TGFBR2: variants seen among roughly 807,000 people sequenced by gnomAD.
TGFBR2 encodes transforming growth factor beta receptor 2.
In TGFBR2, 18 loss-of-function variants were observed where a neutral mutation model predicts 49.0. The ratio of observed to expected loss-of-function variants is 0.37; its 90% CI spans 0.25 to 0.54. The LOEUF is 0.54. Among genes scored for constraint, TGFBR2 ranks in the 20% least tolerant of loss-of-function variants. The probability of loss-of-function intolerance (pLI) is 0.85; values close to 1 mark genes in which losing one functional copy is unlikely to be tolerated. For synonymous variants in TGFBR2, 282 were observed against 275.9 expected, an observed-to-expected ratio of 1.02 and a Z score of -0.22; for missense variants, 525 against 722.6, an observed-to-expected ratio of 0.73 and a Z score of 3.13.
chr3:30,675,808 A>C (rs1368787331), intron 5 of TGFBR2, among the ~76,000 whole-genome samples: 1 of 152,240 alleles, frequency 6.6e-6, no homozygotes, highest in African/African-American at 2.4e-5. Context: ...AACCTAAACC[A>C]TAGTATGGCT....
At chr3:30,665,054 G>A (rs1699219725) in intron 3 of TGFBR2, among the ~76,000 whole-genome samples, 1 of 152,220 alleles carries the variant, frequency 6.6e-6, no homozygotes, top group South Asian at 2.1e-4. Flanking sequence ...TGGTGTATTA[G>A]TGCACTAATG....
At chr3:30,686,654 T>C (rs1017352870) in intron 5 of TGFBR2, among the ~76,000 whole-genome samples, 6 of 152,208 alleles carry the variant, frequency 3.9e-5, no homozygotes, top group African/African-American at 1.2e-4. Flanking sequence ...GCAAATGTAT[T>C]GAAAGTTTTA....
intron 2 of TGFBR2, among the ~76,000 whole-genome samples, 200 bp from the exon 3 acceptor site, chr3:30,650,070 A>C: frequency 6.6e-6 from 1 of 151,758 alleles, no homozygotes; most frequent in South Asian, 2.1e-4. Context: ...CAAAGGAAAA[A>C]CAGAAAAGAG....
rs1224678519 is a variant in TGFBR2, at chr3:30,606,970, G to A, written c.87G>A (p.Gln29=). Residue 29 remains glutamine, a synonymous_variant, in exon 1 of 7, where the codon CAG becomes CAA. Transcript: ENST00000295754. ...RIASTIPPHV[Q]KSVNNDMIVT... is the part of the protein sequence containing the mutation. ...CCAGCACGATCCCACCGCACGTTCA[G>A]AAGTCGGGTGAGTGGTCCCCAGCCC... 1 of 1,596,628 alleles carries A rather than the reference G, an allele frequency of 6.3e-7. No individual in the cohort carries two copies. Among genetic ancestry groups the A allele is most frequent in the Non-Finnish European group, 8.5e-7 (1 of 1,171,870 alleles).
At position 30,628,675 on chromosome 3, in the gene TGFBR2, A is replaced by AT. The variant is rs1328670880; in HGVS notation, c.95-16071dup. ...AATGGGGCTTAATAAGAATTACTTGATACCTTAGGAGTCAGACGAGCCTTA... is the reference window on the plus strand; with the variant it reads ...AATGGGGCTTAATAAGAATTACTTGATTACCTTAGGAGTCAGACGAGCCTTA... On this transcript the variant is annotated intron_variant, in intron 1 of 6. Transcript: ENST00000295754. 2.6e-5 allele frequency among the ~76,000 whole-genome samples: 4 copies of AT among 151,828 alleles called. No individual in the cohort carries two copies. The East Asian group carries it at 7.8e-4, about 29-fold the overall frequency.
intron 1 of TGFBR2, among the ~76,000 whole-genome samples, chr3:30,616,992 CTG>C (rs1181102560): frequency 6.6e-6 from 1 of 151,460 alleles, no homozygotes; most frequent in Non-Finnish European, 1.5e-5. Context: ...GTTAAAATGT[CTG>C]TGAAAATTTT....
intron 1 of TGFBR2, among the ~76,000 whole-genome samples, chr3:30,633,380 G>T (rs1698471928): frequency 6.6e-6 from 1 of 152,188 alleles, no homozygotes; most frequent in African/African-American, 2.4e-5. Flanking sequence ...TTCTAAAGTA[G>T]ATGTCCTCTG....
chr3:30,650,143 T>A (rs762338936), intron 2 of TGFBR2, 127 bp from the exon 3 acceptor site: 1 of 931,792 alleles, frequency 1.1e-6, no homozygotes, highest in Admixed American at 1.8e-5. Flanking sequence ...CCAGCTGCCG[T>A]TGTTAGGAAC....
intron 1 of TGFBR2, among the ~76,000 whole-genome samples, chr3:30,614,189 G>A (rs1213597228): frequency 6.7e-6 from 1 of 149,078 alleles, no homozygotes; most frequent in Non-Finnish European, 1.5e-5. Flanking sequence ...ACCACCAGGC[G>A]GGCAAGGTGA....
At chr3:30,652,790 A>C (rs1698919015) in intron 3 of TGFBR2, among the ~76,000 whole-genome samples, 1 of 152,188 alleles carries the variant, frequency 6.6e-6, no homozygotes, top group Admixed American at 6.5e-5. Flanking sequence ...TTCCTCCAAA[A>C]GGACAAAAGT....
Position 30,691,356 on chromosome 3 carries a change from G to A in TGFBR2, c.1525-64G>A, listed in dbSNP as rs1400264081. 16 of 1,581,308 alleles carry A rather than the reference G, an allele frequency of 1.0e-5. No homozygotes were observed. In the East Asian group the frequency reaches 3.6e-4, roughly 36 times the overall value. On this transcript the variant is annotated intron_variant, in intron 6 of 6. Transcript: ENST00000295754. ...CTCACTATAGCAACAAGGTCAGCAG[G>A]CCACCTTGCCTTCCGCGGAGCCCAC...
intron 5 of TGFBR2, among the ~76,000 whole-genome samples, chr3:30,685,560 C>T (rs980572292): frequency 2.0e-5 from 3 of 152,200 alleles, no homozygotes; most frequent in African/African-American, 7.2e-5. Flanking sequence ...AGAGGTCTAA[C>T]CTCAGCTTGA....
intron 5 of TGFBR2, among the ~76,000 whole-genome samples, chr3:30,680,342 G>A (rs1699518602): frequency 6.6e-6 from 1 of 152,190 alleles, no homozygotes; most frequent in Non-Finnish European, 1.5e-5. Flanking sequence ...GCAGGTCACA[G>A]TATTGATACC....
At chr3:30,622,248 A>C (rs527477927) in intron 1 of TGFBR2, among the ~76,000 whole-genome samples, 47 of 152,198 alleles carry the variant, frequency 3.1e-4, no homozygotes, top group Non-Finnish European at 3.8e-4. Context: ...GTTGCTTTAG[A>C]TGACCAGGGA....
intron 1 of TGFBR2, among the ~76,000 whole-genome samples, chr3:30,632,272 G>A (rs767822330): frequency 1.3e-5 from 2 of 152,154 alleles, no homozygotes; most frequent in Non-Finnish European, 2.9e-5. Context: ...AACACACTAA[G>A]TGTCTCAAAG....
At chr3:30,682,972 G>A (rs1699563269) in intron 5 of TGFBR2, among the ~76,000 whole-genome samples, 1 of 152,190 alleles carries the variant, frequency 6.6e-6, no homozygotes, top group South Asian at 2.1e-4. Flanking sequence ...ATGCTTGGCA[G>A]AGATGAGCAA....
intron 1 of TGFBR2, among the ~76,000 whole-genome samples, chr3:30,636,528 C>T (rs1177882660): frequency 6.6e-6 from 1 of 152,022 alleles, no homozygotes; most frequent in East Asian, 1.9e-4. Context: ...TGCATTTGCT[C>T]ATTTATAATG....
rs572928287 is a variant in TGFBR2, at chr3:30,652,829, A to G, written c.454+2369A>G. On this transcript the variant is annotated intron_variant, in intron 3 of 6. Coordinates refer to ENST00000295754, the MANE Select transcript of TGFBR2 (RefSeq NM_003242.6). ...TAAATGGCCTGCAAGTTGGATCTAT[A>G]TTTTATCATTGAATATCTTTGTCAA... Among the ~76,000 whole-genome samples the G allele has an allele frequency of 3.9e-5, 6 of 152,280 alleles. No individual in the cohort carries two copies. In the South Asian group the frequency reaches 1.2e-3, roughly 32 times the overall value.
At chr3:30,686,728 T>G (rs1306029479) in intron 5 of TGFBR2, among the ~76,000 whole-genome samples, 2 of 152,258 alleles carry the variant, frequency 1.3e-5, no homozygotes, top group Non-Finnish European at 2.9e-5. Flanking sequence ...GAGAACAGTG[T>G]TGAATCCAGC....
Sources: gnomAD v4.1 joint callset for allele counts (sites outside exome capture counted in the v4.1 genomes callset) on GRCh38, gnomAD v4.1.1 for gene constraint, MANE v1.5 for transcripts, NCBI Gene and HGNC (gene_info 2026-07-23, HGNC 2026-07-21) for gene names.